Variants in AVEN observed in about 807,000 individuals in gnomAD.
AVEN encodes the protein cell death regulator Aven.
AVEN carries 41 observed loss-of-function variants against 38.1 expected under a neutral mutation model. The ratio of observed to expected loss-of-function variants is 1.08; its 90% CI spans 0.84 to 1.40. The LOEUF (loss-of-function observed/expected upper bound fraction) is 1.40, where lower values mean the gene tolerates loss of function less well. Among genes scored for constraint, AVEN ranks in the 40% most tolerant of loss-of-function variants. The pLI, the probability that AVEN is intolerant of heterozygous loss-of-function variation, is 0.00. For missense variants in AVEN, 605 were observed against 438.8 expected, an observed-to-expected ratio of 1.38 and a Z score of -3.38; for synonymous variants, 206 against 171.8, an observed-to-expected ratio of 1.20 and a Z score of -1.56.
Position 33,938,237 on chromosome 15 carries a change from C to T in AVEN, c.446-62242G>A, listed in dbSNP as rs899711741. Among the ~76,000 whole-genome samples the T allele has an allele frequency of 3.9e-5, 6 of 152,058 alleles. No homozygotes were observed. The South Asian group carries it at 1.0e-3, about 26-fold the overall frequency. On this transcript the variant is annotated intron_variant, in intron 2 of 5. Coordinates refer to ENST00000306730, the MANE Select transcript of AVEN (RefSeq NM_020371.3). ...TTGGGAGGCCGAGGTGGGCGGATCACGAGGTCAGGAGATCGAGACCATCCT... is the reference window on the plus strand; with the variant it reads ...TTGGGAGGCCGAGGTGGGCGGATCATGAGGTCAGGAGATCGAGACCATCCT...
chr15:33,878,494 T>C (rs78191940), intron 2 of AVEN, among the ~76,000 whole-genome samples: 2,405 of 152,228 alleles, frequency 0.016, 31 homozygotes, highest in South Asian at 0.042. Context: ...ATGTAAAACA[T>C]ATTTTGTATG....
At chr15:33,887,777 G>A (rs1429564111) in intron 2 of AVEN, among the ~76,000 whole-genome samples, 1 of 152,038 alleles carries the variant, frequency 6.6e-6, no homozygotes, top group African/African-American at 2.4e-5. Context: ...TGATATGCTC[G>A]TGATACTAAT....
rs1045287260 is a variant in AVEN, at chr15:33,969,554, TA to T, written c.445+33477del. Among the ~76,000 whole-genome samples, 5 of 152,032 alleles carry T rather than the reference TA, an allele frequency of 3.3e-5. No individual in the cohort carries two copies. The East Asian group carries it at 9.6e-4, about 29-fold the overall frequency. Reference sequence around the variant, plus strand: ...AACAAAGAAAAATTAATAAGCATTTTAAATATTTTTATTCATATAAAGGAAC... The same window carrying T: ...AACAAAGAAAAATTAATAAGCATTTTAATATTTTTATTCATATAAAGGAAC... On this transcript the variant is annotated intron_variant, in intron 2 of 5. Coordinates refer to ENST00000306730, the MANE Select transcript of AVEN (RefSeq NM_020371.3).
intron 2 of AVEN, among the ~76,000 whole-genome samples, chr15:33,880,538 T>C (rs954580531): frequency 2.0e-5 from 3 of 152,164 alleles, no homozygotes; most frequent in Non-Finnish European, 4.4e-5. Flanking sequence ...AAGTAGGAAT[T>C]GACCAGCCCT....
At chr15:34,016,423 G>C (rs1391515451) in intron 1 of AVEN, among the ~76,000 whole-genome samples, 1 of 152,102 alleles carries the variant, frequency 6.6e-6, no homozygotes, top group Admixed American at 6.5e-5. Flanking sequence ...CATCTCACCT[G>C]GTCAATTATC....
chr15:34,048,012 A>G (rs1429229984), intron 5 of AVEN, among the ~76,000 whole-genome samples: 1 of 146,346 alleles, frequency 6.8e-6, no homozygotes, highest in Admixed American at 7.1e-5. Context: ...ACACATCACC[A>G]CGTCCAGCTC....
intron 5 of AVEN, among the ~76,000 whole-genome samples, chr15:34,053,320 ATAT>A (rs372854593): frequency 0.074 from 2,293 of 30,898 alleles, 87 homozygotes; most frequent in African/African-American, 0.15. Context: ...AAAAAAAAAA[ATAT>A]ATATATATAT....
At chr15:34,056,142 T>G (rs1280370645) in intron 5 of AVEN, among the ~76,000 whole-genome samples, 1 of 152,214 alleles carries the variant, frequency 6.6e-6, no homozygotes, top group African/African-American at 2.4e-5. Context: ...TAGTTAAGAA[T>G]AGAAGAAAGT....
At chr15:34,050,134 C>T (rs1899882401) in intron 5 of AVEN, among the ~76,000 whole-genome samples, 1 of 152,062 alleles carries the variant, frequency 6.6e-6, no homozygotes. Flanking sequence ...GTGATCCACC[C>T]ACCTCGGCCT....
At chr15:34,043,979 T>C (rs887523852), upstream of AVEN, among the ~76,000 whole-genome samples, 1 of 152,094 alleles carries the variant, frequency 6.6e-6, no homozygotes, top group Admixed American at 6.6e-5. Context: ...GATCACCTAC[T>C]TGGGGACGTC....
intron 2 of AVEN, among the ~76,000 whole-genome samples, chr15:33,956,018 T>C (rs186326993): frequency 2.9e-3 from 441 of 152,362 alleles, no homozygotes; most frequent in African/African-American, 9.9e-3. Context: ...TCTATTTTAA[T>C]GCTTCCTTAA....
chr15:34,068,901 T>C (rs1216793475), intron 2 of AVEN, among the ~76,000 whole-genome samples: 1 of 149,830 alleles, frequency 6.7e-6, no homozygotes, highest in Non-Finnish European at 1.5e-5. Flanking sequence ...AAGGTCCGCC[T>C]CCCGGGTTCA....
chr15:33,854,219 A>C (rs951634752), downstream of AVEN, among the ~76,000 whole-genome samples: 1 of 151,416 alleles, frequency 6.6e-6, no homozygotes, highest in Non-Finnish European at 1.5e-5. Context: ...AATTCAGGCT[A>C]TGTGATTCAA....
Position 34,033,067 on chromosome 15 carries a change from T to C in AVEN, c.267+5713A>G, listed in dbSNP as rs560498533. Among the ~76,000 whole-genome samples the C allele has an allele frequency of 2.6e-5, 4 of 152,290 alleles. No individual in the cohort carries two copies. In the East Asian group the frequency reaches 5.8e-4, roughly 22 times the overall value. On this transcript the variant is annotated intron_variant, in intron 1 of 5. Transcript: ENST00000306730. ...TATTTATGTGAACAATGTTTCTCAA[T>C]CCTTACATCTATAAAATCAAAAATT...
At chr15:33,928,671 A>G (rs924588223) in intron 2 of AVEN, among the ~76,000 whole-genome samples, 1 of 152,220 alleles carries the variant, frequency 6.6e-6, no homozygotes, top group African/African-American at 2.4e-5. Context: ...TGATTGCCAC[A>G]TGAACCCAGA....
At chr15:34,051,571 G>T (rs1035789753) in intron 5 of AVEN, among the ~76,000 whole-genome samples, 3 of 151,170 alleles carry the variant, frequency 2.0e-5, no homozygotes, top group Non-Finnish European at 3.0e-5. Context: ...TTTGAAAATA[G>T]GTAAAATAGA....
At chr15:33,855,725 G>A (rs1222395898), downstream of AVEN, among the ~76,000 whole-genome samples, 1 of 152,096 alleles carries the variant, frequency 6.6e-6, no homozygotes, top group Non-Finnish European at 1.5e-5. Context: ...CACATTTTAT[G>A]TGTGTATATA....
At chr15:33,923,143 G>GAT (rs1242832964) in intron 2 of AVEN, among the ~76,000 whole-genome samples, 1 of 151,946 alleles carries the variant, frequency 6.6e-6, no homozygotes, top group Non-Finnish European at 1.5e-5. Context: ...AGCTAAGAGA[G>GAT]AGAGAGAGAT....
chr15:34,066,938 G>A (rs1278898972), intron 2 of AVEN: 2 of 152,098 alleles, frequency 1.3e-5, no homozygotes, highest in African/African-American at 4.8e-5. Flanking sequence ...AACTACTAGG[G>A]ACAACTAGAC....
Sources: gnomAD v4.1 joint callset for allele counts (sites outside exome capture counted in the v4.1 genomes callset) on GRCh38, gnomAD v4.1.1 for gene constraint, MANE v1.5 for transcripts, NCBI Gene and HGNC (gene_info 2026-07-23, HGNC 2026-07-21) for gene names.